Variants in TMEM132B observed in about 807,000 individuals in gnomAD.
TMEM132B encodes the protein transmembrane protein 132B.
TMEM132B carries 18 observed loss-of-function variants against 90.8 expected under a neutral mutation model. The ratio of observed to expected loss-of-function variants is 0.20; its 90% CI spans 0.14 to 0.29. The LOEUF (loss-of-function observed/expected upper bound fraction) is 0.29. Ranked by LOEUF, TMEM132B falls within the 10% of genes least tolerant of loss-of-function variation. The pLI, the probability that TMEM132B is intolerant of heterozygous loss-of-function variation, is 1.00. For missense variants in TMEM132B, 1,096 were observed against 1,326.8 expected (o/e 0.83, Z 2.70); for synonymous variants, 504 against 523.3 (o/e 0.96, Z 0.50).
At position 125,492,583 on chromosome 12, in the gene TMEM132B, G is replaced by A. The variant is rs1385881493; in HGVS notation, c.1107-26856G>A. On this transcript the variant is annotated intron_variant, in intron 3 of 8. Transcript: ENST00000682704. The surrounding 1 kb of genome is among the most constrained non-coding windows in gnomAD (Gnocchi z 5.8). ...AGCCAGGACTCCTGGAGGCAGGTGC[G>A]TCCAGGGGCCCTGGGTGAGGAGGCT... Among the ~76,000 whole-genome samples, 2 of 152,124 alleles carry A rather than the reference G, an allele frequency of 1.3e-5. No homozygotes were observed. Among genetic ancestry groups the A allele is most frequent in the South Asian group, 2.1e-4 (1 of 4,816 alleles).
chr12:125,394,488 G>T (rs61564886), intron 2 of TMEM132B, among the ~76,000 whole-genome samples: 9,616 of 152,174 alleles, frequency 0.063, 935 homozygotes, highest in African/African-American at 0.21. Flanking sequence ...GATTGACTTG[G>T]GTGTCAAGTG....
At chr12:125,359,693 A>G (rs1877899456) in intron 2 of TMEM132B, among the ~76,000 whole-genome samples, 1 of 152,150 alleles carries the variant, frequency 6.6e-6, no homozygotes, top group Admixed American at 6.5e-5. Flanking sequence ...TAACAAATGT[A>G]AAAAGCCATG....
intron 1 of TMEM132B, among the ~76,000 whole-genome samples, chr12:125,218,321 G>A (rs1414295108): frequency 6.6e-6 from 1 of 152,040 alleles, no homozygotes; most frequent in African/African-American, 2.4e-5. Flanking sequence ...AAAAAGGCAA[G>A]CTCTCAATCG....
chr12:125,326,977 G>A (rs1271282759), intron 1 of TMEM132B, among the ~76,000 whole-genome samples: 2 of 151,904 alleles, frequency 1.3e-5, no homozygotes, highest in South Asian at 2.1e-4. Flanking sequence ...TAACAACACA[G>A]GCACCTGCTT....
At chr12:125,376,077 T>C (rs1470955893) in intron 2 of TMEM132B, among the ~76,000 whole-genome samples, 1 of 152,218 alleles carries the variant, frequency 6.6e-6, no homozygotes, top group Non-Finnish European at 1.5e-5. Flanking sequence ...AGGTAGTGTC[T>C]GTCTGAGGCT....
At chr12:125,487,524 A>G (rs1380027790) in intron 3 of TMEM132B, among the ~76,000 whole-genome samples, 2 of 152,144 alleles carry the variant, frequency 1.3e-5, no homozygotes, top group Non-Finnish European at 2.9e-5. Context: ...TCCTATGTCT[A>G]TGTCATCTGG....
At chr12:125,313,064 C>T (rs1018509888) in intron 1 of TMEM132B, among the ~76,000 whole-genome samples, 1 of 152,068 alleles carries the variant, frequency 6.6e-6, no homozygotes, top group African/African-American at 2.4e-5. Flanking sequence ...AGTGCGAGTG[C>T]CTGGGTTTGA....
chr12:125,324,717 A>C (rs1200723906), intron 1 of TMEM132B, among the ~76,000 whole-genome samples: 1 of 152,212 alleles, frequency 6.6e-6, no homozygotes, highest in Non-Finnish European at 1.5e-5. Flanking sequence ...TCCTGAAACC[A>C]TCCCTGCCCT....
At chr12:125,313,153 T>A (rs1381370246) in intron 1 of TMEM132B, among the ~76,000 whole-genome samples, 1 of 152,120 alleles carries the variant, frequency 6.6e-6, no homozygotes, top group Admixed American at 6.5e-5. Context: ...TTCCTCATCT[T>A]AAAAATGGGG....
intron 5 of TMEM132B, among the ~76,000 whole-genome samples, chr12:125,604,773 CTTTG>C (rs1160055483): frequency 6.6e-6 from 1 of 152,138 alleles, no homozygotes; most frequent in South Asian, 2.1e-4. Flanking sequence ...TTTCTGAAAT[CTTTG>C]TTTGTGAATA....
At position 125,653,846 on chromosome 12, in the gene TMEM132B, A is replaced by T. The variant is rs879007648; in HGVS notation, c.2388A>T (p.Pro796=). Reference sequence around the variant, plus strand: ...GAAATGTCAAGGTCAAATTCGAACCAAGTAGTGATGAGCACCAAGGAGGCA... The same window carrying T: ...GAAATGTCAAGGTCAAATTCGAACCTAGTAGTGATGAGCACCAAGGAGGCA... ...GKGNVKVKFE[P]SSDEHQGGSN... is the part of the protein sequence containing the mutation. Residue 796 remains proline (P), a synonymous_variant, in exon 9 of 9, where the codon CCA becomes CCT. Transcript: ENST00000682704. 6.2e-7 allele frequency: 1 copy of T among 1,614,190 alleles called. No homozygotes were observed.
chr12:125,520,502 A>G (rs575987443), intron 4 of TMEM132B, among the ~76,000 whole-genome samples: 32 of 151,776 alleles, frequency 2.1e-4, no homozygotes, highest in Non-Finnish European at 4.4e-4. Context: ...GCCATCCCCG[A>G]ATCTCGAGTG....
At chr12:125,547,617 G>A (rs1337597810) in intron 4 of TMEM132B, among the ~76,000 whole-genome samples, 2 of 152,094 alleles carry the variant, frequency 1.3e-5, no homozygotes, top group East Asian at 1.9e-4. Flanking sequence ...GACTTAAACC[G>A]CAACATTTGC....
At chr12:125,615,142 T>A (rs138436489) in intron 5 of TMEM132B, among the ~76,000 whole-genome samples, 521 of 152,212 alleles carry the variant, frequency 3.4e-3, no homozygotes, top group Non-Finnish European at 5.2e-3. Flanking sequence ...CTGTGATGTG[T>A]CTGAGTGTGA....
At chr12:125,464,048 C>T (rs2136479088) in intron 3 of TMEM132B, among the ~76,000 whole-genome samples, 1 of 152,170 alleles carries the variant, frequency 6.6e-6, no homozygotes, top group East Asian at 1.9e-4. Flanking sequence ...ATTCAGTCCC[C>T]CCTCTCCAGA....
intron 3 of TMEM132B, among the ~76,000 whole-genome samples, chr12:125,432,915 G>A (rs557044118): frequency 2.0e-5 from 3 of 152,272 alleles, no homozygotes; most frequent in South Asian, 4.1e-4. Context: ...GACACACTTC[G>A]TAGTTCACTC....
At chr12:125,412,772 G>A (rs545682016) in intron 2 of TMEM132B, among the ~76,000 whole-genome samples, 11 of 152,274 alleles carry the variant, frequency 7.2e-5, no homozygotes, top group Admixed American at 7.2e-4. Flanking sequence ...TCTGCAGTTT[G>A]CCCCTTTGGC....
At chr12:125,429,290 C>G (rs1222011787) in intron 3 of TMEM132B, among the ~76,000 whole-genome samples, 2 of 151,840 alleles carry the variant, frequency 1.3e-5, no homozygotes, top group Non-Finnish European at 2.9e-5. Context: ...ACCTCTGCCT[C>G]CTAGGCTCAA....
intron 1 of TMEM132B, among the ~76,000 whole-genome samples, chr12:125,347,923 C>A (rs1168267018): frequency 2.6e-5 from 4 of 152,184 alleles, no homozygotes; most frequent in South Asian, 2.1e-4. Context: ...TTTTAATTAA[C>A]AAAATAATAC....
Sources: allele counts gnomAD v4.1 joint callset (sites outside exome capture counted in the v4.1 genomes callset), GRCh38; gene constraint gnomAD v4.1.1; non-coding constraint Gnocchi (gnomAD v3.1); transcripts MANE v1.5; gene names NCBI Gene and HGNC (gene_info 2026-07-23, HGNC 2026-07-21).